The following LARP4 variants were observed in gnomAD, a reference collection of about 807,000 sequenced individuals.
LARP4 encodes La ribonucleoprotein 4.
A neutral mutation model predicts 92.9 loss-of-function variants in LARP4; 29 were observed. That is an observed-to-expected ratio of 0.31 (90% CI 0.23 to 0.43). The LOEUF (loss-of-function observed/expected upper bound fraction) is 0.43, where lower values mean the gene tolerates loss of function less well. Among genes scored for constraint, LARP4 ranks in the 20% least tolerant of loss-of-function variants. LARP4 has a pLI of 1.00. For synonymous variants in LARP4, 279 were observed against 284.1 expected (o/e 0.98, Z 0.18); for missense variants, 732 against 860.0 (o/e 0.85, Z 1.86).
At position 50,440,552 on chromosome 12, in the gene LARP4, A is replaced by G. The variant is rs1269358028; in HGVS notation, c.750+3A>G. On this transcript the variant is annotated splice_donor_region_variant and intron_variant, in intron 7 of 15. Coordinates refer to ENST00000398473, the MANE Select transcript of LARP4 (RefSeq NM_052879.5). Reference sequence around the variant, plus strand: ...AGTCAGACACAGATGCACAACAGGTAAGAAGAAAACATTTTCTGATACAAG... The same window carrying G: ...AGTCAGACACAGATGCACAACAGGTGAGAAGAAAACATTTTCTGATACAAG... 5 of 1,592,504 alleles carry G rather than the reference A, an allele frequency of 3.1e-6. No individual in the cohort carries two copies. The highest frequency in any genetic ancestry group is 4.3e-6 in the Non-Finnish European group (5 of 1,161,260).
intron 10 of LARP4, among the ~76,000 whole-genome samples, chr12:50,457,030 A>G (rs539791247): frequency 2.6e-5 from 4 of 152,138 alleles, no homozygotes; most frequent in Admixed American, 1.3e-4. Context: ...CTCTGGCCTC[A>G]GCCTTCTGAG....
chr12:50,407,306 G>A (rs147108644), intron 1 of LARP4, among the ~76,000 whole-genome samples: 3 of 152,184 alleles, frequency 2.0e-5, no homozygotes, highest in African/African-American at 7.2e-5. Context: ...TTACGGGCGT[G>A]AGCCACTGCG....
chr12:50,438,272 G>A (rs1055806073), intron 6 of LARP4, among the ~76,000 whole-genome samples: 1 of 152,164 alleles, frequency 6.6e-6, no homozygotes, highest in Admixed American at 6.5e-5. Context: ...GCTGAGGCAG[G>A]CGGATCGTGA....
intron 3 of LARP4, 67 bp downstream of exon 3, chr12:50,429,157 T>C (rs1949259310): frequency 8.9e-7 from 1 of 1,124,368 alleles, no homozygotes. Flanking sequence ...CATGGTCTCT[T>C]TATACTTGTT....
At chr12:50,410,438 C>T (rs1413621721) in intron 1 of LARP4, among the ~76,000 whole-genome samples, 10 of 143,976 alleles carry the variant, frequency 6.9e-5, no homozygotes, top group African/African-American at 2.3e-4. Context: ...GATGGAATCT[C>T]GCTGTTGCCC....
chr12:50,429,128 G>A (rs1335856072), intron 3 of LARP4, 38 bp downstream of exon 3: 2 of 1,474,976 alleles, frequency 1.4e-6, no homozygotes, highest in Admixed American at 3.5e-5. Flanking sequence ...TGAGAATTCA[G>A]TACAGGACAC....
chr12:50,450,704 G>A (rs1444381632), intron 8 of LARP4, among the ~76,000 whole-genome samples: 1 of 152,070 alleles, frequency 6.6e-6, no homozygotes, highest in East Asian at 1.9e-4. Flanking sequence ...ATTTCACTAT[G>A]TTGGCCAGGT....
At chr12:50,453,298 TATTA>T (rs1217023661) in intron 8 of LARP4, among the ~76,000 whole-genome samples, 158 bp from the exon 9 acceptor site, 2 of 152,032 alleles carry the variant, frequency 1.3e-5, no homozygotes, top group East Asian at 1.9e-4. Flanking sequence ...TTTTATTATT[TATTA>T]ATTAATTAAA....
At chr12:50,444,775 T>G (rs1951747265) in intron 8 of LARP4, among the ~76,000 whole-genome samples, 1 of 152,246 alleles carries the variant, frequency 6.6e-6, no homozygotes, top group African/African-American at 2.4e-5. Context: ...TGCTTCATTC[T>G]GTTTCAATTG....
At chr12:50,462,220 C>T (rs1230716304) in intron 11 of LARP4, among the ~76,000 whole-genome samples, 2 of 152,066 alleles carry the variant, frequency 1.3e-5, no homozygotes, top group African/African-American at 4.8e-5. Flanking sequence ...TGGTGGCTCA[C>T]GCCTGTAATC....
chr12:50,417,975 C>T (rs893803133), intron 1 of LARP4, among the ~76,000 whole-genome samples: 3 of 152,216 alleles, frequency 2.0e-5, no homozygotes, highest in African/African-American at 7.2e-5. Context: ...ATTCGCCTGC[C>T]TCAGCCTCCC....
chr12:50,454,371 A>G lies in LARP4; in HGVS notation c.1075A>G (p.Thr359Ala). 1 of 1,613,758 alleles carries G rather than the reference A, an allele frequency of 6.2e-7. No homozygotes were observed. The highest frequency in any genetic ancestry group is 8.5e-7 in the Non-Finnish European group (1 of 1,179,930). The change falls in exon 10 of 16, where the codon ACA (threonine) becomes GCA (alanine). Residue 359 changes from threonine to alanine, a missense_variant. This residue lies in a region of LARP4 where 264 missense variants were observed against 269.5 expected (regional missense o/e 0.98). Transcript: ENST00000398473. ...NGFNSPGSYK[T>A]NAAAMNMGRP... ...CTTTAATTCGCCAGGATCTTATAAA[A>G]CAAATGCTGCTGCTATGAATATGGG...
intron 12 of LARP4, among the ~76,000 whole-genome samples, chr12:50,463,226 G>A (rs888008003): frequency 2.0e-5 from 3 of 150,976 alleles, no homozygotes; most frequent in Admixed American, 6.6e-5. Flanking sequence ...GATCACTTGA[G>A]GCTACAGGCC....
rs1953649718 is a variant in LARP4, at chr12:50,453,476, T to A, written c.821T>A (p.Ile274Asn). The stretch of plus-strand genomic sequence containing the variant: ...CTCTTCTAGGCAAGGATAAAAGCCA[T>A]CAATACATTTTTTGCTAAGAATGGT... ...GKPIMARIKA[I>N]NTFFAKNGYR... is the part of the protein sequence containing the mutation. The change falls in exon 9 of 16, where the codon ATC (isoleucine) becomes AAC (asparagine). Residue 274 changes from isoleucine to asparagine, a missense_variant. Coordinates refer to ENST00000398473, the MANE Select transcript of LARP4 (RefSeq NM_052879.5). 1 of 1,607,674 alleles carries A rather than the reference T, an allele frequency of 6.2e-7. No homozygotes were observed. Among genetic ancestry groups the A allele is most frequent in the African/African-American group, 1.3e-5 (1 of 74,792 alleles).
intron 1 of LARP4, chr12:50,402,705 AACTTT>A: frequency 2.2e-6 from 1 of 448,198 alleles, no homozygotes; most frequent in African/African-American, 2.0e-5. Flanking sequence ...AGGTTAAAGT[AACTTT>A]ACTTAGTAAA....
At position 50,421,195 on chromosome 12, in the gene LARP4, C is replaced by T. The variant is rs187603342; in HGVS notation, c.19-6567C>T. ...CGAACTCCTGACCTCATGATCTGCC[C>T]GCCTTGGCCTCTCAAAGTGCTTTGA... is the stretch of plus-strand genomic sequence containing the variant. On this transcript the variant is annotated intron_variant, in intron 1 of 15. Coordinates refer to ENST00000398473, the MANE Select transcript of LARP4 (RefSeq NM_052879.5). 80 of 628,276 alleles carry T rather than the reference C, an allele frequency of 1.3e-4. No homozygotes were observed. The African/African-American group carries it at 1.4e-3, about 11-fold the overall frequency. 38.9% of individuals were successfully genotyped at this position (628,276 alleles called of 1,614,324 possible). A position where few individuals can be genotyped will look rare whatever the true frequency, so the allele number is the denominator to read the frequency against.
chr12:50,467,505 A>G lies in LARP4; in HGVS notation c.1545+385A>G, dbSNP rs184784642. ...TTTAGTAGAGACAGGGTTTCGCCAC[A>G]TTGGCCAGGCTGGTCTCCAGCTCCT... On this transcript the variant is annotated intron_variant, in intron 13 of 15. Transcript: ENST00000398473. Among the ~76,000 whole-genome samples, 36 of 152,040 alleles carry G rather than the reference A, an allele frequency of 2.4e-4. No homozygotes were observed. The East Asian group carries it at 6.6e-3, about 28-fold the overall frequency.
chr12:50,434,898 AT>A (rs1231605733), intron 4 of LARP4, among the ~76,000 whole-genome samples: 1 of 152,046 alleles, frequency 6.6e-6, no homozygotes, highest in Non-Finnish European at 1.5e-5. Context: ...ACAAAAAAAA[AT>A]TAGCCGAGCG....
intron 10 of LARP4, 56 bp from the exon 11 acceptor site, chr12:50,461,079 G>T (rs1235615162): frequency 6.9e-7 from 1 of 1,444,432 alleles, no homozygotes; most frequent in South Asian, 1.2e-5. Context: ...CCTAAGGAAA[G>T]ATGTTTTTCT....
Sources: allele counts gnomAD v4.1 joint callset (sites outside exome capture counted in the v4.1 genomes callset), GRCh38; gene constraint gnomAD v4.1.1; regional missense constraint gnomAD v4.1.1; transcripts MANE v1.5; gene names NCBI Gene and HGNC (gene_info 2026-07-23, HGNC 2026-07-21).